The following GLIS3 variants were observed in gnomAD, a reference collection of about 807,000 sequenced individuals.
GLIS3 encodes the protein zinc finger protein GLIS3.
GLIS3 carries 53 observed loss-of-function variants against 78.6 expected under a neutral mutation model. The ratio of observed to expected loss-of-function variants is 0.67; its 90% confidence interval spans 0.54 to 0.85. The LOEUF is 0.85. Among genes scored for constraint, GLIS3 ranks in the 40% least tolerant of loss-of-function variants. GLIS3 has a pLI of 0.00. For missense variants in GLIS3, 1,703 were observed against 1,231.1 expected (o/e 1.38, Z -5.74); for synonymous variants, 684 against 509.9 (o/e 1.34, Z -4.60).
At chr9:4,144,134 A>G (rs16920757) in intron 2 of GLIS3, among the ~76,000 whole-genome samples, 5,280 of 152,316 alleles carry the variant, frequency 0.035, 101 homozygotes, top group Admixed American at 0.071. Flanking sequence ...ACAAAGATCG[A>G]GAAACCTTGC....
At chr9:3,848,621 T>TA (rs1819213343) in intron 9 of GLIS3, among the ~76,000 whole-genome samples, 1 of 152,252 alleles carries the variant, frequency 6.6e-6, no homozygotes, top group African/African-American at 2.4e-5. Context: ...AAAGTACCAT[T>TA]GCACAATCAC....
chr9:4,216,488 A>G (rs542060148), intron 2 of GLIS3, among the ~76,000 whole-genome samples: 1 of 151,016 alleles, frequency 6.6e-6, no homozygotes, highest in South Asian at 2.1e-4. Context: ...TCAAAAAAAA[A>G]AAAAGAAAAG....
chr9:4,108,925 G>A (rs756198693), intron 4 of GLIS3, among the ~76,000 whole-genome samples: 1 of 152,122 alleles, frequency 6.6e-6, no homozygotes, highest in African/African-American at 2.4e-5. Flanking sequence ...AACCCCAGGG[G>A]AGGGCTCGTG....
chr9:4,101,425 G>C (rs1466351120), intron 4 of GLIS3, among the ~76,000 whole-genome samples: 1 of 152,126 alleles, frequency 6.6e-6, no homozygotes, highest in Non-Finnish European at 1.5e-5. Context: ...CATGAGCATA[G>C]TGGGATATTT....
At chr9:4,158,369 T>TC (rs1459804668) in intron 2 of GLIS3, among the ~76,000 whole-genome samples, 2 of 152,150 alleles carry the variant, frequency 1.3e-5, no homozygotes, top group Non-Finnish European at 2.9e-5. Flanking sequence ...GCTGTTACTG[T>TC]CCCCTCTGTC....
At chr9:3,979,904 G>A (rs376950834) in intron 4 of GLIS3, among the ~76,000 whole-genome samples, 4 of 152,322 alleles carry the variant, frequency 2.6e-5, no homozygotes, top group South Asian at 2.1e-4. Flanking sequence ...ATATTCCAGC[G>A]GGGAGGAGCA....
At chr9:3,913,565 C>A (rs501227) in intron 6 of GLIS3, among the ~76,000 whole-genome samples, 107,183 of 152,038 alleles carry the variant, frequency 0.7, 38,051 homozygotes, top group Middle Eastern at 0.74. Context: ...CCTCCCTCAT[C>A]TGGAGTCCCC....
the GLIS3 span, among the ~76,000 whole-genome samples, chr9:4,380,660 C>G: frequency 6.6e-6 from 1 of 152,278 alleles, no homozygotes; most frequent in South Asian, 2.1e-4. Flanking sequence ...CTGGCTGATT[C>G]AGAGGCAAGT....
chr9:4,320,191 T>C (rs1196217240), intron 2 of GLIS3, among the ~76,000 whole-genome samples: 4 of 152,226 alleles, frequency 2.6e-5, no homozygotes, highest in South Asian at 2.1e-4. Context: ...GGTCAACAAA[T>C]TCCCTTCCAT....
chr9:4,393,609 C>T, the GLIS3 span, among the ~76,000 whole-genome samples: 1 of 152,082 alleles, frequency 6.6e-6, no homozygotes, highest in African/African-American at 2.4e-5. Flanking sequence ...CTGTTTCTGA[C>T]CTTGATATTT....
chr9:4,449,014 G>A, the GLIS3 span, among the ~76,000 whole-genome samples: 16 of 152,262 alleles, frequency 1.1e-4, no homozygotes, highest in East Asian at 3.1e-3. Flanking sequence ...GCAGGGCAGG[G>A]TGTCACCTCA....
the GLIS3 span, among the ~76,000 whole-genome samples, chr9:4,428,507 A>AT: frequency 9.3e-5 from 14 of 149,856 alleles, no homozygotes; most frequent in South Asian, 3.0e-3. Context: ...AAAAAAAAAA[A>AT]TTCAGGCCTA....
At chr9:4,216,504 A>AAAAGG (rs1820858875) in intron 2 of GLIS3, among the ~76,000 whole-genome samples, 1 of 150,282 alleles carries the variant, frequency 6.7e-6, no homozygotes, top group African/African-American at 2.4e-5. Flanking sequence ...AAAAGAAAAG[A>AAAAGG]AAAGAAAAAG....
intron 2 of GLIS3, among the ~76,000 whole-genome samples, chr9:4,155,444 G>A (rs936064825): frequency 6.6e-6 from 1 of 152,202 alleles, no homozygotes; most frequent in East Asian, 1.9e-4. Context: ...GTTGTGCGGT[G>A]TGACTGCTTT....
intron 4 of GLIS3, among the ~76,000 whole-genome samples, chr9:4,043,527 T>C (rs373613372): frequency 1.4e-4 from 21 of 152,016 alleles, no homozygotes; most frequent in African/African-American, 4.6e-4. Flanking sequence ...AAGGGGCCTT[T>C]AAATCATATC....
At position 3,898,705 on chromosome 9, in the gene GLIS3, G is replaced by A; in HGVS notation, c.2114C>T (p.Pro705Leu). 6.2e-7 allele frequency: 1 copy of A among 1,614,164 alleles called. No homozygotes were observed. Among genetic ancestry groups the A allele is most frequent in the South Asian group, 1.1e-5 (1 of 91,072 alleles). ...GTVGRSPGPG[P>L]DLYSAPIFSS... ...GCTGTCTTTACCTGAATAGAGGTCA[G>A]GCCCGGGTCCAGGGGAGCGTCCCAC... The change falls in exon 7 of 11, where the codon CCT becomes CTT. Residue 705 changes from proline (P) to leucine (L), a missense_variant. Physicochemically the swap from Pro to Leu is moderately conservative, Grantham distance 98. Transcript: ENST00000381971.
At chr9:4,421,530 T>G in the GLIS3 span, among the ~76,000 whole-genome samples, 1 of 152,220 alleles carries the variant, frequency 6.6e-6, no homozygotes, top group East Asian at 1.9e-4. Context: ...ATTCAAATAC[T>G]TATTCAGTGT....
chr9:3,863,862 C>G (rs1465248865), intron 8 of GLIS3, among the ~76,000 whole-genome samples: 1 of 151,932 alleles, frequency 6.6e-6, no homozygotes, highest in Non-Finnish European at 1.5e-5. Flanking sequence ...GAAATAGGAC[C>G]CACAGCATTG....
Position 4,085,873 on chromosome 9 carries a change from A to G in GLIS3, c.1710+31895T>C, listed in dbSNP as rs559378397. Among the ~76,000 whole-genome samples the G allele has an allele frequency of 5.2e-4, 79 of 152,302 alleles. No homozygotes were observed. The South Asian group carries it at 0.012, about 24-fold the overall frequency. ...CTTCCTGAGGCCTCCACAGAAGCAC[A>G]TGCCACTATGCTTCCTGTAAAGCCT... On this transcript the variant is annotated intron_variant, in intron 4 of 10. Coordinates refer to ENST00000381971, the MANE Select transcript of GLIS3 (RefSeq NM_001042413.2).
Sources: gnomAD v4.1 joint callset for allele counts (sites outside exome capture counted in the v4.1 genomes callset) on GRCh38, gnomAD v4.1.1 for gene constraint, MANE v1.5 for transcripts, NCBI Gene and HGNC (gene_info 2026-07-23, HGNC 2026-07-21) for gene names.